The following CNNM2 variants were observed in gnomAD, a reference collection of about 807,000 sequenced individuals.
CNNM2 encodes the protein metal transporter CNNM2.
CNNM2 carries 12 observed loss-of-function variants against 66.9 expected under a neutral mutation model. The ratio of observed to expected loss-of-function variants is 0.18; its 90% CI spans 0.11 to 0.29. CNNM2 has a LOEUF of 0.29. CNNM2 is among the 10% of genes least tolerant of loss of function. The probability of loss-of-function intolerance (pLI) is 1.00; values close to 1 mark genes in which losing one functional copy is unlikely to be tolerated. For missense variants in CNNM2, 705 were observed against 1,167.7 expected, an observed-to-expected ratio of 0.60 and a Z score of 5.77; for synonymous variants, 557 against 501.8, an observed-to-expected ratio of 1.11 and a Z score of -1.47.
chr10:102,978,185 G>A (rs1015885733), intron 1 of CNNM2, among the ~76,000 whole-genome samples: 3 of 151,192 alleles, frequency 2.0e-5, no homozygotes, highest in Admixed American at 6.6e-5. Flanking sequence ...CTGGGATGAC[G>A]GACGTAAGCC....
intron 3 of CNNM2, among the ~76,000 whole-genome samples, chr10:103,056,389 G>A (rs2065297567): frequency 6.6e-6 from 1 of 152,170 alleles, no homozygotes; most frequent in Admixed American, 6.5e-5. Context: ...CTGTGTGTGT[G>A]CGCTGGCACT....
rs760217893 is a variant in CNNM2 at position 102,918,909 on chromosome 10, G to A, written c.429G>A (p.Pro143=). The A allele has an allele frequency of 1.9e-6, 3 of 1,611,566 alleles. No individual in the cohort carries two copies. Among genetic ancestry groups the A allele is most frequent in the East Asian group, 4.5e-5 (2 of 44,778 alleles). Residue 143 remains proline, a synonymous_variant, in exon 1 of 8, where the codon CCG becomes CCA. Coordinates refer to ENST00000369878, the MANE Select transcript of CNNM2 (RefSeq NM_017649.5). The surrounding 1 kb of genome is among the most constrained non-coding windows in gnomAD (Gnocchi z 4.1). ...TGGGGGGCCCCGCGCCGCCAGAGCC[G>A]GACAGCGGCCCCCAGCGATGCGGCA... The part of the protein sequence containing the change: ...RGLGGPAPPE[P]DSGPQRCGIR...
chr10:103,010,559 GA>G (rs1421474631), intron 1 of CNNM2, among the ~76,000 whole-genome samples: 1 of 152,076 alleles, frequency 6.6e-6, no homozygotes, highest in Non-Finnish European at 1.5e-5. Context: ...GAAATGAAAT[GA>G]AAAATTTTGG....
chr10:103,033,540 A>G (rs2064870811), intron 1 of CNNM2, among the ~76,000 whole-genome samples: 2 of 152,056 alleles, frequency 1.3e-5, no homozygotes, highest in Admixed American at 6.6e-5. Flanking sequence ...AAAAACATGT[A>G]CAAACAATTG....
intron 1 of CNNM2, among the ~76,000 whole-genome samples, chr10:102,963,296 ACC>A: frequency 6.6e-6 from 1 of 151,974 alleles, no homozygotes; most frequent in South Asian, 2.1e-4. Context: ...CTTCACCACC[ACC>A]CCCTTTCCTT....
intron 1 of CNNM2, among the ~76,000 whole-genome samples, chr10:102,923,963 T>C (rs183057286): frequency 1.8e-4 from 27 of 152,384 alleles, no homozygotes; most frequent in Non-Finnish European, 3.4e-4. Flanking sequence ...GGTTTTTATT[T>C]ACATTTTTGA....
intron 5 of CNNM2, 66 bp downstream of exon 5, chr10:103,068,788 A>G (rs1481820198): frequency 1.6e-6 from 2 of 1,289,884 alleles, no homozygotes; most frequent in Admixed American, 2.2e-5. Context: ...CTCTCCTTTC[A>G]TCTTGCTTTC....
chr10:103,016,104 A>G (rs772818226), intron 1 of CNNM2, among the ~76,000 whole-genome samples: 1 of 152,156 alleles, frequency 6.6e-6, no homozygotes, highest in Non-Finnish European at 1.5e-5. Flanking sequence ...AACAAGATCT[A>G]GCCCCATCTA....
At chr10:102,938,908 CGATA>C (rs1405111266) in intron 1 of CNNM2, among the ~76,000 whole-genome samples, 1 of 151,982 alleles carries the variant, frequency 6.6e-6, no homozygotes, top group African/African-American at 2.4e-5. Context: ...GAATGGACAG[CGATA>C]GATCTCTGAA....
intron 1 of CNNM2, among the ~76,000 whole-genome samples, chr10:103,017,963 C>CAAAAAAAAGAAAAAAA (rs2064487843): frequency 1.3e-5 from 1 of 78,882 alleles, no homozygotes; most frequent in Non-Finnish European, 2.4e-5. Flanking sequence ...GAATCTGTCT[C>CAAAAAAAAGAAAAAAA]AAAAAAAAAA....
At chr10:103,067,625 G>A (rs2065502907) in intron 4 of CNNM2, among the ~76,000 whole-genome samples, 1 of 152,164 alleles carries the variant, frequency 6.6e-6, no homozygotes, top group Non-Finnish European at 1.5e-5. Context: ...GAAACTAGAA[G>A]TGAAACTGAC....
rs1174674641 is a variant in CNNM2 at position 103,084,383 on chromosome 10, G to A, written c.*7203G>A. 1 of 152,102 alleles carries A rather than the reference G, an allele frequency of 6.6e-6. No individual in the cohort carries two copies. The highest frequency in any genetic ancestry group is 1.9e-4 in the East Asian group (1 of 5,184). 9.4% of individuals were successfully genotyped at this position (152,102 alleles called of 1,614,324 possible). On this transcript the variant is annotated 3_prime_UTR_variant, in exon 8 of 8. Transcript: ENST00000369878. ...TACCGCTCCCATCTCCCCAGGTATCGCCCAACTACCTGAAAGTAGAATGAG... is the reference window on the plus strand; with the variant it reads ...TACCGCTCCCATCTCCCCAGGTATCACCCAACTACCTGAAAGTAGAATGAG...
chr10:103,003,676 T>C lies in CNNM2; in HGVS notation c.1622-46031T>C, dbSNP rs546517254. 2.6e-5 allele frequency among the ~76,000 whole-genome samples: 4 copies of C among 151,876 alleles called. No individual in the cohort carries two copies. The South Asian group carries it at 8.3e-4, about 32-fold the overall frequency. ...CTGTCTCTACTAAAAATACAAAAAT[T>C]AGCCGGAAATCACTTAAACCCAGGA... On this transcript the variant is annotated intron_variant, in intron 1 of 7. Transcript: ENST00000369878.
chr10:102,964,701 G>A (rs568536892), intron 1 of CNNM2, among the ~76,000 whole-genome samples: 1 of 152,228 alleles, frequency 6.6e-6, no homozygotes, highest in South Asian at 2.1e-4. Context: ...GCCTTGGTAA[G>A]TTTTACTTTG....
chr10:103,002,771 G>T (rs541589760), intron 1 of CNNM2, among the ~76,000 whole-genome samples: 1 of 151,990 alleles, frequency 6.6e-6, no homozygotes, highest in Non-Finnish European at 1.5e-5. Context: ...GAGCCACTGC[G>T]CCTGGCTGGT....
In CNNM2 at chr10:102,978,144, C is replaced by T. The variant is rs1474999706; in HGVS notation, c.1621+58043C>T. Reference sequence around the variant, plus strand: ...CAGGCTGGTCTCAAACTCCTGACCTCGTGATCCACCCGCCTCGGCCTCCCA... The same window carrying T: ...CAGGCTGGTCTCAAACTCCTGACCTTGTGATCCACCCGCCTCGGCCTCCCA... On this transcript the variant is annotated intron_variant, in intron 1 of 7. Coordinates refer to ENST00000369878, the MANE Select transcript of CNNM2 (RefSeq NM_017649.5). Among the ~76,000 whole-genome samples, 6 of 151,216 alleles carry T rather than the reference C, an allele frequency of 4.0e-5. No homozygotes were observed. In the South Asian group the frequency reaches 6.3e-4, roughly 16 times the overall value.
chr10:103,028,829 T>TTTTTTTTTTTTTTTTTTTTC (rs2064764044), intron 1 of CNNM2, among the ~76,000 whole-genome samples: 3 of 19,892 alleles, frequency 1.5e-4, no homozygotes, highest in African/African-American at 2.8e-4. Context: ...TTTTTTTTTC[T>TTTTTTTTTTTTTTTTTTTTC]TTTTTTTTTT....
At chr10:102,991,274 C>T (rs549373318) in intron 1 of CNNM2, among the ~76,000 whole-genome samples, 116 of 152,254 alleles carry the variant, frequency 7.6e-4, no homozygotes, top group Non-Finnish European at 1.2e-3. Flanking sequence ...GGATGTGACT[C>T]GCCGCACCAG....
At chr10:103,028,797 CTTTTCT>C (rs1262809889) in intron 1 of CNNM2, among the ~76,000 whole-genome samples, 16 of 144,912 alleles carry the variant, frequency 1.1e-4, no homozygotes, top group East Asian at 4.1e-4. Flanking sequence ...TTTCTTCTTT[CTTTTCT>C]TTTTCTTTTT....
Sources: allele counts gnomAD v4.1 joint callset (sites outside exome capture counted in the v4.1 genomes callset), GRCh38; gene constraint gnomAD v4.1.1; non-coding constraint Gnocchi (gnomAD v3.1); transcripts MANE v1.5; gene names NCBI Gene and HGNC (gene_info 2026-07-23, HGNC 2026-07-21).